Variants in LTBP2 observed in about 807,000 individuals in gnomAD.
The protein encoded by LTBP2 is latent-transforming growth factor beta-binding protein 2.
Under a neutral mutation model 210.6 loss-of-function variants are expected in LTBP2, and 103 were observed. The observed-to-expected ratio is 0.49, with a 90% confidence interval of 0.42 to 0.58. The LOEUF (loss-of-function observed/expected upper bound fraction) is 0.58. Ranked by LOEUF, LTBP2 falls within the 20% of genes least tolerant of loss-of-function variation. LTBP2 has a pLI of 0.00. For synonymous variants in LTBP2, 1,007 were observed against 1,015.0 expected, an observed-to-expected ratio of 0.99 and a Z score of 0.15; for missense variants, 2,313 against 2,494.5, an observed-to-expected ratio of 0.93 and a Z score of 1.55.
intron 8 of LTBP2, among the ~76,000 whole-genome samples, chr14:74,542,504 G>C (rs2087521218): frequency 6.6e-6 from 1 of 152,250 alleles, no homozygotes; most frequent in African/African-American, 2.4e-5. Flanking sequence ...GCAGGGAGAT[G>C]TGAAAGGTCC....
chr14:74,518,528 G>T (rs1471396024), intron 17 of LTBP2, among the ~76,000 whole-genome samples: 1 of 152,122 alleles, frequency 6.6e-6, no homozygotes, highest in Non-Finnish European at 1.5e-5. Context: ...AGCGTCCCCT[G>T]AGGGCCCAGC....
intron 28 of LTBP2, 136 bp from the exon 29 acceptor site, chr14:74,505,310 A>G (rs2086968367): frequency 6.5e-6 from 6 of 928,218 alleles, no homozygotes; most frequent in South Asian, 1.4e-5. Context: ...GTATTACCTC[A>G]CTGAGGCTCT....
chr14:74,561,972 G>A (rs752852006), intron 3 of LTBP2, among the ~76,000 whole-genome samples: 21 of 152,162 alleles, frequency 1.4e-4, no homozygotes, highest in Non-Finnish European at 2.6e-4. Context: ...CACTTTGGGA[G>A]GCCGAGGCGG....
At chr14:74,583,480 CAGAGAGACT>C (rs904562083) in intron 3 of LTBP2, among the ~76,000 whole-genome samples, 2 of 152,360 alleles carry the variant, frequency 1.3e-5, no homozygotes, top group Non-Finnish European at 2.9e-5. Context: ...CCCCAGGGCA[CAGAGAGACT>C]AGGCTGGCCT....
intron 8 of LTBP2, among the ~76,000 whole-genome samples, chr14:74,543,239 G>A (rs1234036093): frequency 6.6e-6 from 1 of 151,874 alleles, no homozygotes; most frequent in African/African-American, 2.4e-5. Context: ...TTAGCTGGGT[G>A]TGATGGCGGG....
At chr14:74,552,664 G>A (rs1031932081) in intron 5 of LTBP2, among the ~76,000 whole-genome samples, 2 of 152,230 alleles carry the variant, frequency 1.3e-5, no homozygotes, top group Non-Finnish European at 2.9e-5. Flanking sequence ...GCATTATCAT[G>A]AACTCTGTCT....
In LTBP2 at chr14:74,513,880, T is replaced by C. The variant is rs10129450; in HGVS notation, c.2909-2516A>G. On this transcript the variant is annotated intron_variant, in intron 18 of 35. Transcript: ENST00000261978. ...GTTGTTTGTTAACGCAGCATAACCT[T>C]GTCTATCTTGGCATGCCACTGCTGG... 4.4e-3 allele frequency among the ~76,000 whole-genome samples: 663 copies of C among 152,296 alleles called. 4 individuals carry two copies. The highest frequency in any genetic ancestry group is 0.015 in the African/African-American group (617 of 41,552).
intron 1 of LTBP2, among the ~76,000 whole-genome samples, chr14:74,607,115 G>A (rs2088537859): frequency 6.6e-6 from 1 of 152,182 alleles, no homozygotes; most frequent in Middle Eastern, 3.2e-3. Context: ...GGGTAGGAAA[G>A]GCATTTTAAG....
chr14:74,501,044 A>G lies in LTBP2; in HGVS notation c.5321-15T>C, dbSNP rs372870968. ...CTCATTCACATCTAAGAGGAAACAA[A>G]GGAGAGTGCTGTAGGGAGCCCAGGT... On this transcript the variant is annotated splice_polypyrimidine_tract_variant and intron_variant, in intron 35 of 35. Transcript: ENST00000261978. The G allele has an allele frequency of 6.2e-7, 1 of 1,610,874 alleles. No homozygotes were observed. Among genetic ancestry groups the G allele is most frequent in the African/African-American group, 1.3e-5 (1 of 74,904 alleles).
rs1218289341 is a variant in LTBP2 at position 74,552,947 on chromosome 14, G to A, written c.1137C>T (p.Thr379=). The A allele has an allele frequency of 6.2e-7, 1 of 1,613,984 alleles. No individual in the cohort carries two copies. The highest frequency in any genetic ancestry group is 8.5e-7 in the Non-Finnish European group (1 of 1,179,928). ...CANSCERGDT[T]TLYSQGGHGH... ...CATGGCCGCCCTGGCTGTACAGGGTGGTGGTGTCGCCCCTCTCACAGCTGT... is the reference window on the plus strand; with the variant it reads ...CATGGCCGCCCTGGCTGTACAGGGTAGTGGTGTCGCCCCTCTCACAGCTGT... The change falls in exon 5 of 36, where the codon ACC becomes ACT. Residue 379 remains threonine (T), a synonymous_variant. Transcript: ENST00000261978.
intron 6 of LTBP2, among the ~76,000 whole-genome samples, chr14:74,551,637 C>A (rs77679972): frequency 2.6e-5 from 4 of 152,148 alleles, no homozygotes; most frequent in African/African-American, 9.7e-5. Flanking sequence ...ACTCCAGCCC[C>A]CTGTCTCCTG....
chr14:74,522,720 A>G, intron 16 of LTBP2, 70 bp downstream of exon 16: 1 of 1,529,544 alleles, frequency 6.5e-7, no homozygotes, highest in South Asian at 1.2e-5. Flanking sequence ...TGGACTCTCA[A>G]CTCGGCCTCT....
rs775539308 is a variant in LTBP2 at position 74,503,203 on chromosome 14, C to T, written c.4888+16G>A. ...CTGGCCCAGCCCTGCAGGGTATCCC[C>T]TTTGCTCCCCCTCACCAGAGCTCCT... On this transcript the variant is annotated intron_variant, in intron 33 of 35. Transcript: ENST00000261978. The T allele has an allele frequency of 6.2e-7, 1 of 1,613,594 alleles. No individual in the cohort carries two copies. The highest frequency in any genetic ancestry group is 8.5e-7 in the Non-Finnish European group (1 of 1,179,962).
chr14:74,571,262 A>G (rs1191669217), intron 3 of LTBP2, among the ~76,000 whole-genome samples: 1 of 152,182 alleles, frequency 6.6e-6, no homozygotes, highest in Non-Finnish European at 1.5e-5. Flanking sequence ...TGAACCTGGG[A>G]GACAGAGGTT....
intron 3 of LTBP2, among the ~76,000 whole-genome samples, chr14:74,564,139 ATATATATATATT>A (rs2087845775): frequency 8.7e-4 from 8 of 9,240 alleles, no homozygotes; most frequent in Non-Finnish European, 1.2e-3. Flanking sequence ...ATATATATTT[ATATATATATATT>A]TATATATATA....
chr14:74,598,396 A>G (rs982757111), intron 2 of LTBP2, among the ~76,000 whole-genome samples: 1 of 152,118 alleles, frequency 6.6e-6, no homozygotes, highest in Non-Finnish European at 1.5e-5. Flanking sequence ...CACCGTGGGG[A>G]GTTTCTGGAA....
At chr14:74,551,037 G>C (rs754690475) in intron 7 of LTBP2, 27 bp downstream of exon 7, 1 of 1,613,174 alleles carries the variant, frequency 6.2e-7, no homozygotes, top group Non-Finnish European at 8.5e-7. Flanking sequence ...GAAGCATCCA[G>C]GGCTGAGGCC....
At chr14:74,550,962 C>T (rs1179640007) in intron 7 of LTBP2, 102 bp downstream of exon 7, 2 of 1,447,244 alleles carry the variant, frequency 1.4e-6, no homozygotes, top group African/African-American at 2.8e-5. Flanking sequence ...CAGACACTCA[C>T]ATTCCATAAG....
Position 74,504,070 on chromosome 14 carries a change from C to G in LTBP2, c.4454-16G>C, listed in dbSNP as rs923597111. ...TCATCCGCATCTGTGGAAGGCAGAG[C>G]TGAGGTGAGAGGAAGGTGAGAGGCA... On this transcript the variant is annotated splice_polypyrimidine_tract_variant and intron_variant, in intron 30 of 35. Transcript: ENST00000261978. The G allele has an allele frequency of 1.9e-6, 3 of 1,613,502 alleles. No homozygotes were observed. Among genetic ancestry groups the G allele is most frequent in the Non-Finnish European group, 1.7e-6 (2 of 1,179,896 alleles).
Sources: allele counts gnomAD v4.1 joint callset (sites outside exome capture counted in the v4.1 genomes callset), GRCh38; gene constraint gnomAD v4.1.1; transcripts MANE v1.5; gene names NCBI Gene and HGNC (gene_info 2026-07-23, HGNC 2026-07-21).